The following UGT1A8 variants were observed in gnomAD, a reference collection of about 807,000 sequenced individuals.
UGT1A8 encodes the protein UDP-glucuronosyltransferase 1A8.
Under a neutral mutation model 45.3 loss-of-function variants are expected in UGT1A8, and 39 were observed. That is an observed-to-expected ratio of 0.86 (90% CI 0.67 to 1.12). The LOEUF is 1.12. UGT1A8 is among the 50% of genes most tolerant of loss of function. The probability of loss-of-function intolerance (pLI) is 0.00; values close to 1 mark genes in which losing one functional copy is unlikely to be tolerated. For synonymous variants in UGT1A8, 275 were observed against 249.2 expected, an observed-to-expected ratio of 1.10 and a Z score of -0.97; for missense variants, 719 against 664.9, an observed-to-expected ratio of 1.08 and a Z score of -0.90.
chr2:233,762,546 T>C (rs1698100771), intron 1 of UGT1A8, among the ~76,000 whole-genome samples: 1 of 152,252 alleles, frequency 6.6e-6, no homozygotes. Context: ...CCACAGTGTA[T>C]TCTGCTGGAG....
intron 1 of UGT1A8, among the ~76,000 whole-genome samples, chr2:233,656,374 C>T (rs2073853293): frequency 6.6e-6 from 1 of 152,312 alleles, no homozygotes; most frequent in Non-Finnish European, 1.5e-5. Context: ...TGAAATCAGC[C>T]TCTTGTCCAA....
intron 1 of UGT1A8, among the ~76,000 whole-genome samples, chr2:233,649,252 C>A (rs2073680112): frequency 6.6e-6 from 1 of 152,172 alleles, no homozygotes; most frequent in Non-Finnish European, 1.5e-5. Context: ...ATAATTTCCA[C>A]TGCATTTTTA....
At chr2:233,674,680 T>C (rs974563790) in intron 1 of UGT1A8, among the ~76,000 whole-genome samples, 2 of 152,220 alleles carry the variant, frequency 1.3e-5, no homozygotes, top group Admixed American at 1.3e-4. Context: ...TGTGTTTATG[T>C]GTCTATTAAA....
intron 1 of UGT1A8, chr2:233,740,779 T>C (rs1209368922): frequency 1.3e-5 from 2 of 151,852 alleles, no homozygotes; most frequent in African/African-American, 4.9e-5. Flanking sequence ...GTATAAAAGA[T>C]GAATACCCAC....
intron 1 of UGT1A8, chr2:233,690,434 GTC>G: frequency 2.4e-6 from 3 of 1,268,416 alleles, no homozygotes; most frequent in Non-Finnish European, 3.1e-6. Flanking sequence ...ACATCTTTGG[GTC>G]TCTCCTCTAT....
At chr2:233,736,477 G>A (rs565407070) in intron 1 of UGT1A8, among the ~76,000 whole-genome samples, 3 of 152,154 alleles carry the variant, frequency 2.0e-5, no homozygotes, top group African/African-American at 7.2e-5. Context: ...GCTTGGAGAG[G>A]TTTGTTACTA....
intron 1 of UGT1A8, among the ~76,000 whole-genome samples, chr2:233,757,539 T>TATATAC (rs762018928): frequency 5.2e-5 from 6 of 115,748 alleles, no homozygotes; most frequent in African/African-American, 1.5e-4. Flanking sequence ...GTAAGGAATA[T>TATATAC]ATATATATAT....
chr2:233,636,826 G>A (rs2073304201), intron 1 of UGT1A8: 3 of 1,614,166 alleles, frequency 1.9e-6, no homozygotes, highest in Non-Finnish European at 2.5e-6. Flanking sequence ...GAAAGCACAG[G>A]CACAAAGTAT....
chr2:233,659,324 T>G (rs1017567132), intron 1 of UGT1A8, among the ~76,000 whole-genome samples: 6 of 152,216 alleles, frequency 3.9e-5, no homozygotes, highest in African/African-American at 1.4e-4. Flanking sequence ...AATAGCCTAC[T>G]GTATAGCAGA....
At chr2:233,622,910 G>A (rs534961630) in intron 1 of UGT1A8, among the ~76,000 whole-genome samples, 2 of 152,276 alleles carry the variant, frequency 1.3e-5, no homozygotes, top group African/African-American at 2.4e-5. Context: ...TCTATAAGGT[G>A]TAAGAAGGGA....
intron 1 of UGT1A8, among the ~76,000 whole-genome samples, chr2:233,633,419 G>A (rs530403621): frequency 2.2e-4 from 33 of 152,218 alleles, no homozygotes; most frequent in African/African-American, 6.7e-4. Flanking sequence ...GGTAGAGTTC[G>A]GCTGTGAACT....
chr2:233,718,430 G>A (rs972830919), intron 1 of UGT1A8, among the ~76,000 whole-genome samples: 1 of 152,312 alleles, frequency 6.6e-6, no homozygotes, highest in Admixed American at 6.5e-5. Context: ...CATGTGGTTG[G>A]GGACTAGGGC....
chr2:233,631,232 G>T (rs543554848), intron 1 of UGT1A8, among the ~76,000 whole-genome samples: 1 of 152,198 alleles, frequency 6.6e-6, no homozygotes, highest in South Asian at 2.1e-4. Flanking sequence ...TCTTTATCCA[G>T]GCTATCATTG....
chr2:233,638,030 C>T (rs2073347815), intron 1 of UGT1A8, among the ~76,000 whole-genome samples: 1 of 152,124 alleles, frequency 6.6e-6, no homozygotes, highest in African/African-American at 2.4e-5. Context: ...AAACACTCTT[C>T]AATACTTTCC....
rs760358460 is a variant in UGT1A8 at position 233,693,812 on chromosome 2, A to C, written c.856-73222A>C. 22 of 1,614,124 alleles carry C rather than the reference A, an allele frequency of 1.4e-5. No homozygotes were observed. In the South Asian group the frequency reaches 2.3e-4, roughly 17 times the overall value. On this transcript the variant is annotated intron_variant, in intron 1 of 4. Transcript: ENST00000373450. ...TGAATATCCTAGGCCGGTCATGCCC[A>C]ACATGGTCTTCATTGGAGGTATCAA... is the stretch of plus-strand genomic sequence containing the variant.
At chr2:233,672,658 T>G (rs950679917) in intron 1 of UGT1A8, 1 of 1,613,752 alleles carries the variant, frequency 6.2e-7, no homozygotes, top group Non-Finnish European at 8.5e-7. Context: ...TGTTACGGAG[T>G]ATGATCTCTA....
rs1697406226 is a variant in UGT1A8, at chr2:233,760,332, G to C, written c.856-6702G>C. On this transcript the variant is annotated intron_variant, in intron 1 of 4. Coordinates refer to ENST00000373450, the MANE Select transcript of UGT1A8 (RefSeq NM_019076.5). Reference sequence around the variant, plus strand: ...GCGGACGCCCACTTGTCCTGGGCCTGCTGCTGTGTGTGCTGGGCCCAGTGG... The same window carrying C: ...GCGGACGCCCACTTGTCCTGGGCCTCCTGCTGTGTGTGCTGGGCCCAGTGG... 6.2e-7 allele frequency: 1 copy of C among 1,613,946 alleles called. No homozygotes were observed. Among genetic ancestry groups the C allele is most frequent in the African/African-American group, 1.3e-5 (1 of 74,948 alleles).
chr2:233,747,346 G>A (rs1006096980), intron 1 of UGT1A8: 37 of 1,603,044 alleles, frequency 2.3e-5, no homozygotes, highest in African/African-American at 1.5e-4. Context: ...GCTCGCATGC[G>A]GGAGGCCGTG....
intron 1 of UGT1A8, among the ~76,000 whole-genome samples, chr2:233,715,150 T>A (rs1370902916): frequency 6.6e-6 from 1 of 152,132 alleles, no homozygotes; most frequent in Non-Finnish European, 1.5e-5. Flanking sequence ...CCTGCCAAAG[T>A]GCTGGAATTA....
Sources: gnomAD v4.1 joint callset for allele counts (sites outside exome capture counted in the v4.1 genomes callset) on GRCh38, gnomAD v4.1.1 for gene constraint, MANE v1.5 for transcripts, NCBI Gene and HGNC (gene_info 2026-07-23, HGNC 2026-07-21) for gene names.